Variants in NALF1 observed in about 807,000 individuals in gnomAD.
NALF1 encodes NALCN channel auxiliary factor 1, also known as family with sequence similarity 155 member A.
In NALF1, 3 loss-of-function variants were observed where a neutral mutation model predicts 48.4. The observed-to-expected ratio is 0.06, with a 90% confidence interval of 0.03 to 0.16. The LOEUF is 0.16. Ranked by LOEUF, NALF1 falls within the 10% of genes least tolerant of loss-of-function variation. The probability of loss-of-function intolerance (pLI) is 1.00; values close to 1 mark genes in which losing one functional copy is unlikely to be tolerated. For synonymous variants in NALF1, 262 were observed against 245.7 expected (o/e 1.07, Z -0.62); for missense variants, 526 against 571.5 (o/e 0.92, Z 0.81).
At chr13:107,761,359 A>G (rs1018509286) in intron 1 of NALF1, among the ~76,000 whole-genome samples, 2 of 882 alleles carry the variant, frequency 2.3e-3, no homozygotes, top group Non-Finnish European at 0.011. Flanking sequence ...TCCGTCTCAA[A>G]AAAACAAAAA....
intron 1 of NALF1, among the ~76,000 whole-genome samples, chr13:107,615,780 C>A (rs1020225220): frequency 5.9e-5 from 9 of 152,062 alleles, no homozygotes; most frequent in African/African-American, 1.9e-4. Flanking sequence ...AATTATAAAC[C>A]CTCCTAAGAG....
At chr13:107,680,894 G>T (rs1881282667) in intron 1 of NALF1, among the ~76,000 whole-genome samples, 1 of 151,644 alleles carries the variant, frequency 6.6e-6, no homozygotes, top group Non-Finnish European at 1.5e-5. Context: ...GTCCATGAGA[G>T]AGGGTGAGTG....
intron 2 of NALF1, among the ~76,000 whole-genome samples, chr13:107,179,663 T>C (rs1162936609): frequency 8.0e-6 from 1 of 125,250 alleles, no homozygotes; most frequent in Non-Finnish European, 1.8e-5. Flanking sequence ...TAAAAATGTT[T>C]TGAAAACTAA....
At chr13:107,558,011 CAG>C (rs1877531174) in intron 1 of NALF1, among the ~76,000 whole-genome samples, 1 of 151,966 alleles carries the variant, frequency 6.6e-6, no homozygotes. Flanking sequence ...TGTCGGCATT[CAG>C]AGAGACTGAG....
intron 1 of NALF1, among the ~76,000 whole-genome samples, chr13:107,229,395 G>A (rs531284837): frequency 2.0e-5 from 3 of 152,168 alleles, no homozygotes; most frequent in Admixed American, 6.5e-5. Flanking sequence ...GATAAAGAGA[G>A]TGTCAGGATC....
At chr13:107,247,906 G>A (rs751460061) in intron 1 of NALF1, among the ~76,000 whole-genome samples, 64 of 152,116 alleles carry the variant, frequency 4.2e-4, no homozygotes, top group Admixed American at 8.5e-4. Flanking sequence ...GCAGTGTCTG[G>A]AGAGGTCACA....
chr13:107,575,647 C>T (rs187663035), intron 1 of NALF1, among the ~76,000 whole-genome samples: 5 of 152,254 alleles, frequency 3.3e-5, no homozygotes, highest in East Asian at 3.9e-4. Flanking sequence ...TTGCATTCCT[C>T]GGGATCCTTT....
chr13:107,567,795 C>G (rs1201171538), intron 1 of NALF1, among the ~76,000 whole-genome samples: 4 of 152,160 alleles, frequency 2.6e-5, no homozygotes, highest in Non-Finnish European at 5.9e-5. Context: ...CCTCCCATCT[C>G]TAACACCTGC....
intron 1 of NALF1, among the ~76,000 whole-genome samples, chr13:107,733,541 T>C (rs1339363395): frequency 6.6e-6 from 1 of 152,080 alleles, no homozygotes; most frequent in African/African-American, 2.4e-5. Context: ...AAAACAAAAT[T>C]ATACAAATAG....
intron 1 of NALF1, among the ~76,000 whole-genome samples, chr13:107,323,936 C>A (rs1882302736): frequency 2.0e-5 from 3 of 152,056 alleles, no homozygotes; most frequent in South Asian, 4.1e-4. Flanking sequence ...ATAGCAAGAC[C>A]CTATCCCTAT....
intron 1 of NALF1, among the ~76,000 whole-genome samples, chr13:107,504,266 A>C (rs1875622021): frequency 6.6e-6 from 1 of 151,952 alleles, no homozygotes; most frequent in South Asian, 2.1e-4. Context: ...AAAAAAAAAA[A>C]AAAAATCAAA....
chr13:107,313,369 G>C (rs1043360466), intron 1 of NALF1, among the ~76,000 whole-genome samples: 4 of 151,996 alleles, frequency 2.6e-5, no homozygotes. Context: ...GTCAAGCAGG[G>C]AACTATGTCA....
intron 1 of NALF1, among the ~76,000 whole-genome samples, chr13:107,607,563 AC>A (rs1879106141): frequency 6.6e-6 from 1 of 152,200 alleles, no homozygotes; most frequent in South Asian, 2.1e-4. Context: ...TCCAAAATAT[AC>A]ACTAAACAGA....
chr13:107,217,877 C>T (rs1040270729), intron 1 of NALF1, among the ~76,000 whole-genome samples: 1 of 152,174 alleles, frequency 6.6e-6, no homozygotes, highest in Non-Finnish European at 1.5e-5. Flanking sequence ...CTGCTTCATG[C>T]TGCAGTTAGA....
intron 1 of NALF1, among the ~76,000 whole-genome samples, chr13:107,751,180 C>T (rs1456891645): frequency 1.3e-5 from 2 of 152,278 alleles, no homozygotes; most frequent in East Asian, 1.9e-4. Flanking sequence ...AGTGACCTGC[C>T]TTACCCTTTT....
At chr13:107,608,390 T>C (rs778698452) in intron 1 of NALF1, among the ~76,000 whole-genome samples, 66 of 152,056 alleles carry the variant, frequency 4.3e-4, no homozygotes, top group Non-Finnish European at 6.2e-4. Context: ...CTATTGCAAG[T>C]TGGAGGAGAA....
intron 1 of NALF1, among the ~76,000 whole-genome samples, chr13:107,396,595 A>C (rs1192538651): frequency 1.3e-5 from 2 of 152,220 alleles, no homozygotes; most frequent in Non-Finnish European, 1.5e-5. Flanking sequence ...CCCTGAGTAG[A>C]CTACAGCTTG....
At chr13:107,692,780 A>G (rs1881596360) in intron 1 of NALF1, among the ~76,000 whole-genome samples, 1 of 152,234 alleles carries the variant, frequency 6.6e-6, no homozygotes, top group African/African-American at 2.4e-5. Flanking sequence ...CCAAACCAAC[A>G]ATATCTACTC....
At chr13:107,764,932 T>G (rs1160292194) in intron 1 of NALF1, among the ~76,000 whole-genome samples, 1 of 152,196 alleles carries the variant, frequency 6.6e-6, no homozygotes, top group Non-Finnish European at 1.5e-5. Context: ...TTTAAAGTAA[T>G]TTATCTTACT....
Sources: gnomAD v4.1 joint callset for allele counts (sites outside exome capture counted in the v4.1 genomes callset) on GRCh38, gnomAD v4.1.1 for gene constraint, MANE v1.5 for transcripts, NCBI Gene and HGNC (gene_info 2026-07-23, HGNC 2026-07-21) for gene names.